Variants in PDE4B observed in about 807,000 individuals in gnomAD.
PDE4B encodes 3',5'-cyclic-AMP phosphodiesterase 4B.
Under a neutral mutation model 82.2 loss-of-function variants are expected in PDE4B, and 20 were observed. That is an observed-to-expected ratio of 0.24 (90% CI 0.17 to 0.35). The LOEUF (loss-of-function observed/expected upper bound fraction) is 0.35, where lower values mean the gene tolerates loss of function less well. PDE4B is among the 10% of genes least tolerant of loss of function. PDE4B has a pLI of 1.00. For missense variants in PDE4B, 655 were observed against 907.2 expected (o/e 0.72, Z 3.57); for synonymous variants, 320 against 318.9 (o/e 1.00, Z -0.04).
At chr1:65,883,242 T>A (rs1284800601) in intron 1 of PDE4B, among the ~76,000 whole-genome samples, 1 of 152,212 alleles carries the variant, frequency 6.6e-6, no homozygotes, top group East Asian at 1.9e-4. Flanking sequence ...TAAATTACTT[T>A]GGGCAGTATG....
intron 3 of PDE4B, among the ~76,000 whole-genome samples, chr1:66,080,045 T>C (rs930088634): frequency 2.0e-5 from 3 of 152,142 alleles, no homozygotes; most frequent in Admixed American, 1.3e-4. Context: ...TTTCTACATA[T>C]CCTGAAAAAC....
intron 3 of PDE4B, among the ~76,000 whole-genome samples, chr1:66,130,917 C>A (rs1279221758): frequency 6.6e-6 from 1 of 152,154 alleles, no homozygotes; most frequent in African/African-American, 2.4e-5. Flanking sequence ...CTTGGAAATT[C>A]ATTTTACAAG....
In PDE4B at chr1:66,189,680, C is replaced by T. The variant is rs1013412604; in HGVS notation, c.282-57780C>T. ...AGTTCTCATGCCATGGTTTTCAGCT[C>T]CCTCAGGTCCTTTAAGGACTTCTCT... On this transcript the variant is annotated intron_variant, in intron 3 of 16. Transcript: ENST00000341517. Among the ~76,000 whole-genome samples, 8 of 152,272 alleles carry T rather than the reference C, an allele frequency of 5.3e-5. No individual in the cohort carries two copies. In the East Asian group the frequency reaches 1.2e-3, roughly 22 times the overall value.
intron 3 of PDE4B, among the ~76,000 whole-genome samples, chr1:66,210,160 G>A (rs547297414): frequency 4.6e-5 from 7 of 152,246 alleles, no homozygotes; most frequent in South Asian, 2.1e-4. Context: ...ACTAACGGCC[G>A]TGTGCACTGA....
intron 1 of PDE4B, among the ~76,000 whole-genome samples, chr1:65,799,668 C>A (rs899270837): frequency 2.0e-5 from 3 of 152,114 alleles, no homozygotes; most frequent in Non-Finnish European, 2.9e-5. Flanking sequence ...CCTTAAAGGC[C>A]TGTGGATGGT....
At position 65,856,641 on chromosome 1, in the gene PDE4B, A is replaced by G. The variant is rs187519382; in HGVS notation, c.-70-56604A>G. 4.4e-3 allele frequency among the ~76,000 whole-genome samples: 668 copies of G among 152,298 alleles called. 3 individuals are homozygous for G. The highest frequency in any genetic ancestry group is 0.015 in the African/African-American group (641 of 41,560). On this transcript the variant is annotated intron_variant, in intron 1 of 16. Coordinates refer to ENST00000341517, the MANE Select transcript of PDE4B (RefSeq NM_002600.4). Reference sequence around the variant, plus strand: ...TTGTAAATAGTGCTGCAATAAACATATGTGTGCATGTGTCTTTATAGTAGA... The same window carrying G: ...TTGTAAATAGTGCTGCAATAAACATGTGTGTGCATGTGTCTTTATAGTAGA...
intron 3 of PDE4B, among the ~76,000 whole-genome samples, chr1:66,220,843 CA>C (rs1570496847): frequency 6.6e-6 from 1 of 152,156 alleles, no homozygotes; most frequent in East Asian, 1.9e-4. Context: ...GCCAGGGCTC[CA>C]AGGAATGACA....
chr1:65,918,956 A>T (rs1369646812), intron 3 of PDE4B, 121 bp downstream of exon 3: 1 of 662,940 alleles, frequency 1.5e-6, no homozygotes, highest in African/African-American at 1.8e-5. Context: ...TGACATTTTG[A>T]GAATTCGTTT....
At chr1:66,032,372 A>G (rs1488901983) in intron 3 of PDE4B, among the ~76,000 whole-genome samples, 1 of 152,168 alleles carries the variant, frequency 6.6e-6, no homozygotes, top group Non-Finnish European at 1.5e-5. Context: ...CTAGGAGGCT[A>G]TAGTTTATGC....
chr1:66,337,416 C>T (rs531993120), intron 8 of PDE4B, among the ~76,000 whole-genome samples: 13 of 152,330 alleles, frequency 8.5e-5, no homozygotes, highest in East Asian at 5.8e-4. Context: ...AAGCCTCTTC[C>T]TGGGATGTGC....
At chr1:66,289,760 ATTG>A (rs1656938368) in intron 7 of PDE4B, among the ~76,000 whole-genome samples, 1 of 152,036 alleles carries the variant, frequency 6.6e-6, no homozygotes, top group African/African-American at 2.4e-5. Context: ...TGTGTAATAA[ATTG>A]GATTGGAAAG....
intron 3 of PDE4B, among the ~76,000 whole-genome samples, chr1:66,021,903 A>C (rs1653144100): frequency 6.6e-6 from 1 of 152,208 alleles, no homozygotes; most frequent in African/African-American, 2.4e-5. Context: ...TACCTTGGGC[A>C]ATATGGCTAT....
intron 1 of PDE4B, among the ~76,000 whole-genome samples, chr1:65,862,562 A>G (rs1413913660): frequency 6.6e-6 from 1 of 152,236 alleles, no homozygotes; most frequent in East Asian, 1.9e-4. Flanking sequence ...TGCTGGCCTC[A>G]TAAAATGAGT....
chr1:65,910,805 G>A (rs1354407936), intron 1 of PDE4B, among the ~76,000 whole-genome samples: 1 of 152,170 alleles, frequency 6.6e-6, no homozygotes, highest in South Asian at 2.1e-4. Flanking sequence ...AACATACCCA[G>A]GAGCCAGAGG....
At chr1:66,017,840 A>C (rs1295985532) in intron 3 of PDE4B, among the ~76,000 whole-genome samples, 1 of 138,858 alleles carries the variant, frequency 7.2e-6, no homozygotes, top group Non-Finnish European at 1.6e-5. Flanking sequence ...TTTAAAAAAT[A>C]TATATATATA....
intron 3 of PDE4B, among the ~76,000 whole-genome samples, chr1:66,144,356 C>T (rs1401598758): frequency 6.6e-6 from 1 of 152,154 alleles, no homozygotes; most frequent in East Asian, 1.9e-4. Context: ...AGCACATGAT[C>T]TAATAGAAAC....
intron 3 of PDE4B, among the ~76,000 whole-genome samples, chr1:66,123,148 T>G (rs566847574): frequency 6.6e-6 from 1 of 152,334 alleles, no homozygotes; most frequent in South Asian, 2.1e-4. Context: ...ATATTTTACT[T>G]GAAATAGGTA....
intron 3 of PDE4B, among the ~76,000 whole-genome samples, chr1:66,021,837 A>G (rs1483167088): frequency 6.6e-6 from 1 of 152,122 alleles, no homozygotes; most frequent in East Asian, 1.9e-4. Context: ...AGTTTTTTCC[A>G]ATTCTGTGAA....
At chr1:65,960,867 A>G (rs1186797394) in intron 3 of PDE4B, among the ~76,000 whole-genome samples, 1 of 152,166 alleles carries the variant, frequency 6.6e-6, no homozygotes, top group Non-Finnish European at 1.5e-5. Flanking sequence ...AAATCATTAT[A>G]ATGGCTCCTC....
Sources: gnomAD v4.1 joint callset for allele counts (sites outside exome capture counted in the v4.1 genomes callset) on GRCh38, gnomAD v4.1.1 for gene constraint, MANE v1.5 for transcripts, NCBI Gene and HGNC (gene_info 2026-07-23, HGNC 2026-07-21) for gene names.